The following HELZ2 variants were observed in gnomAD, a reference collection of about 807,000 sequenced individuals.
The protein encoded by HELZ2 is 3'-5' exoribonuclease HELZ2.
In HELZ2, 143 loss-of-function variants were observed where a neutral mutation model predicts 208.8. The ratio of observed to expected loss-of-function variants is 0.68; its 90% CI spans 0.60 to 0.79. The LOEUF (loss-of-function observed/expected upper bound fraction) is 0.79, where lower values mean the gene tolerates loss of function less well. Ranked by LOEUF, HELZ2 falls within the 30% of genes least tolerant of loss-of-function variation. The pLI is 0.00. For synonymous variants in HELZ2, 1,705 were observed against 1,693.7 expected, an observed-to-expected ratio of 1.01 and a Z score of -0.16; for missense variants, 3,690 against 3,794.5, an observed-to-expected ratio of 0.97 and a Z score of 0.72.
Position 63,572,097 on chromosome 20 carries a change from A to C in HELZ2, c.278+11T>G. On this transcript the variant is annotated intron_variant, in intron 1 of 18. Coordinates refer to ENST00000467148, the Ensembl canonical transcript of HELZ2. ...TGCCCTACTCCAAGCTCCTGCCTCGAGTATCCTTACTTTGGGCAGAGCTCG... is the reference window on the plus strand; with the variant it reads ...TGCCCTACTCCAAGCTCCTGCCTCGCGTATCCTTACTTTGGGCAGAGCTCG... 1 of 1,601,126 alleles carries C rather than the reference A, an allele frequency of 6.2e-7. No individual in the cohort carries two copies. Among genetic ancestry groups the C allele is most frequent in the Non-Finnish European group, 8.5e-7 (1 of 1,173,590 alleles).
chr20:63,562,110 G>C, exon 10 of HELZ2: 1 of 1,612,562 alleles, frequency 6.2e-7, no homozygotes, highest in Non-Finnish European at 8.5e-7. Context: ...CTTCTCCAGA[G>C]CCTCCCTGAC....
upstream of HELZ2, among the ~76,000 whole-genome samples, chr20:63,573,426 G>A (rs1035972987): frequency 1.3e-5 from 2 of 152,178 alleles, no homozygotes; most frequent in Non-Finnish European, 2.9e-5. The surrounding 1 kb of genome is among the most constrained non-coding windows in gnomAD (Gnocchi z 4.9). Context: ...TGTCCTGTCA[G>A]GGAGTACAGG....
At chr20:63,569,949 G>A (rs1189057860) in intron 3 of HELZ2, among the ~76,000 whole-genome samples, 1 of 152,082 alleles carries the variant, frequency 6.6e-6, no homozygotes, top group African/African-American at 2.4e-5. Flanking sequence ...GTGAATCCTT[G>A]TTTTTGTTTT....
Position 63,568,704 on chromosome 20 carries a change from C to A in HELZ2, c.1384G>T (p.Glu462Ter). ...TGCACCTCCAGGACCAGGCGGGCCT[C>A]AGGCTGCAGCCCCAGGGCCAAGCAG... The change falls in exon 5 of 19, where the codon GAG (glutamate) becomes TAG (stop). Residue 462 changes from glutamate (E) to a stop codon, truncating the protein, a stop_gained. Transcript: ENST00000467148. LOFTEE classifies it high-confidence loss of function. The A allele has an allele frequency of 6.2e-7, 1 of 1,606,098 alleles. No individual in the cohort carries two copies.
chr20:63,560,961 C>T, intron 14 of HELZ2, 32 bp from the exon 16 acceptor site: 2 of 1,607,132 alleles, frequency 1.2e-6, no homozygotes, highest in Non-Finnish European at 1.7e-6. Context: ...GCCCTGACAC[C>T]CCTAGACCCA....
At chr20:63,565,414 T>C (rs2082940790) in exon 8 of HELZ2, 7 of 1,611,144 alleles carry the variant, frequency 4.3e-6, no homozygotes, top group African/African-American at 4.0e-5. Context: ...CGAAGGTCTC[T>C]GGCACGAAAG....
chr20:63,572,507 A>G, upstream of HELZ2: 2 of 1,097,278 alleles, frequency 1.8e-6, no homozygotes, highest in Non-Finnish European at 2.5e-6. Flanking sequence ...CACCACCACA[A>G]ACTGTTGCTT....
intron 17 of HELZ2, 31 bp from the exon 19 acceptor site, chr20:63,560,126 G>T (rs376187067): frequency 1.7e-5 from 27 of 1,557,552 alleles, no homozygotes; most frequent in Non-Finnish European, 2.2e-5. Context: ...CCCTGCTGCC[G>T]CTGCGCCCAC....
Position 63,565,971 on chromosome 20 carries a change from C to A in HELZ2, c.2851G>T (p.Val951Phe), listed in dbSNP as rs753625341. Residue 951 changes from valine (V) to phenylalanine (F), a missense_variant, in exon 8 of 19, where the codon GTC (valine) becomes TTC (phenylalanine). By Grantham distance (50) the Val-to-Phe change is conservative. Coordinates refer to ENST00000467148, the Ensembl canonical transcript of HELZ2. ...CGTCTCTGCGCCACACCCTGCTCGA[C>A]CTGCTCCATGGACAGGCCCTCGGGG... 27 of 1,599,168 alleles carry A rather than the reference C, an allele frequency of 1.7e-5. No homozygotes were observed. The highest frequency in any genetic ancestry group is 1.9e-5 in the Non-Finnish European group (23 of 1,179,536).
rs369145482 is a variant in HELZ2 at position 63,564,104 on chromosome 20, C to T, written c.4718G>A (p.Arg1573Gln). 107 of 1,609,446 alleles carry T rather than the reference C, an allele frequency of 6.6e-5. No individual in the cohort carries two copies. Among genetic ancestry groups the T allele is most frequent in the Non-Finnish European group, 8.1e-5 (96 of 1,178,324 alleles). ...GCCGAGGTGCAGTGACAGGGGCACC[C>T]GGTCCCCATGCTTCTCACACAGGGC... The change falls in exon 8 of 19, where the codon CGG becomes CAG. Residue 1573 changes from arginine (R) to glutamine (Q), a missense_variant. Transcript: ENST00000467148.
rs1366395908 is a variant in HELZ2, at chr20:63,570,991, C to T, written c.279-123G>A. 3 of 728,030 alleles carry T rather than the reference C, an allele frequency of 4.1e-6. No individual in the cohort carries two copies. In the African/African-American group the frequency reaches 5.4e-5, roughly 13 times the overall value. 45.1% of individuals were successfully genotyped at this position (728,030 alleles called of 1,614,324 possible). On this transcript the variant is annotated intron_variant, in intron 1 of 18. Coordinates refer to ENST00000467148, the Ensembl canonical transcript of HELZ2. The stretch of plus-strand genomic sequence containing the variant: ...GAGCAGGGGCTTTATTCGTCCCACC[C>T]ACTCCTGTGCTCCCGGGACAAGGCC...
exon 8 of HELZ2, chr20:63,562,989 A>C: frequency 6.3e-7 from 1 of 1,598,674 alleles, no homozygotes; most frequent in Non-Finnish European, 8.5e-7. Flanking sequence ...AATGGTTCCC[A>C]CACGCAGGCG....
Position 63,565,477 on chromosome 20 carries a change from CG to C in HELZ2, c.3344del (p.Pro1115ArgfsTer81). ...CGTGCAGCAGCTTCCGTAGCGCAGC[CG>C]GGGGCAGGTTCTCGTACAGCCGGGC... On this transcript the variant is annotated frameshift_variant, in exon 8 of 19. Transcript: ENST00000467148. LOFTEE classifies it high-confidence loss of function. The C allele has an allele frequency of 6.2e-7, 1 of 1,607,728 alleles. No individual in the cohort carries two copies. The highest frequency in any genetic ancestry group is 1.1e-5 in the South Asian group (1 of 91,004).
rs1314116947 is a variant in HELZ2, at chr20:63,569,694, G to A, written c.571-29C>T. 5 of 1,485,686 alleles carry A rather than the reference G, an allele frequency of 3.4e-6. 1 individual carries two copies. The highest frequency in any genetic ancestry group is 2.6e-5 in the South Asian group (2 of 77,106). 92.0% of individuals were successfully genotyped at this position (1,485,686 alleles called of 1,614,324 possible). A position where few individuals can be genotyped will look rare whatever the true frequency, so the allele number is the denominator to read the frequency against. On this transcript the variant is annotated intron_variant, in intron 3 of 18. Coordinates refer to ENST00000467148, the Ensembl canonical transcript of HELZ2. The stretch of plus-strand genomic sequence containing the variant: ...GAGAGGAGGCCAGACGGTGAGGGGG[G>A]CCCAGGGCTCCCCCCAACCCTCCCG...
At chr20:63,570,864 C>T in exon 2 of HELZ2, 2 of 1,589,334 alleles carry the variant, frequency 1.3e-6, no homozygotes, top group Non-Finnish European at 1.7e-6. Context: ...TCACAGAGGT[C>T]AGGCCTGGGG....
At position 63,561,240 on chromosome 20, in the gene HELZ2, C is replaced by A; in HGVS notation, c.6988G>T (p.Glu2330Ter). The change falls in exon 14 of 19, where the codon GAG (glutamate) becomes TAG (stop). Residue 2330 changes from glutamate (E) to a stop codon, truncating the protein, a stop_gained. Transcript: ENST00000467148. LOFTEE classifies it high-confidence loss of function. ...AGGATGACCTCATGCCGGTCCAGCT[C>A]GAACTTCCGAGCCTCCCACAAGACC... The A allele has an allele frequency of 6.2e-7, 1 of 1,612,752 alleles. No individual in the cohort carries two copies. Among genetic ancestry groups the A allele is most frequent in the East Asian group, 2.2e-5 (1 of 44,870 alleles).
At position 63,561,076 on chromosome 20, in the gene HELZ2, A is replaced by C. The variant is rs763190744; in HGVS notation, c.7146+6T>G. 2 of 1,608,370 alleles carry C rather than the reference A, an allele frequency of 1.2e-6. No individual in the cohort carries two copies. The highest frequency in any genetic ancestry group is 2.2e-5 in the South Asian group (2 of 90,690). On this transcript the variant is annotated splice_donor_region_variant and intron_variant, in intron 14 of 18. Coordinates refer to ENST00000467148, the Ensembl canonical transcript of HELZ2. Reference sequence around the variant, plus strand: ...CTCATGCTGCCCACACCCCCCGCCGACCAACCTTCTCGGCCTGTGGGAACT... The same window carrying C: ...CTCATGCTGCCCACACCCCCCGCCGCCCAACCTTCTCGGCCTGTGGGAACT...
At chr20:63,565,338 C>T (rs769883473) in exon 8 of HELZ2, 4 of 1,607,224 alleles carry the variant, frequency 2.5e-6, no homozygotes, top group African/African-American at 1.3e-5. Context: ...ATCCCACAGT[C>T]CAGGCGGCCC....
exon 6 of HELZ2, chr20:63,567,339 C>T (rs2082973457): frequency 6.2e-7 from 1 of 1,606,504 alleles, no homozygotes; most frequent in African/African-American, 1.3e-5. Context: ...CCTCGCACTC[C>T]AGCATCTGGG....
Sources: gnomAD v4.1 joint callset for allele counts (sites outside exome capture counted in the v4.1 genomes callset) on GRCh38, gnomAD v4.1.1 for gene constraint, Gnocchi (gnomAD v3.1) non-coding constraint, MANE v1.5 for transcripts, NCBI Gene and HGNC (gene_info 2026-07-23, HGNC 2026-07-21) for gene names.